The following EEPD1 variants were observed in gnomAD, a reference collection of about 807,000 sequenced individuals.
EEPD1 encodes the protein endonuclease/exonuclease/phosphatase family domain containing 1, also known as endonuclease/exonuclease/phosphatase family domain-containing protein 1.
Under a neutral mutation model 46.3 loss-of-function variants are expected in EEPD1, and 17 were observed. The ratio of observed to expected loss-of-function variants is 0.37; its 90% CI spans 0.25 to 0.55. EEPD1 has a LOEUF of 0.55. EEPD1 is among the 20% of genes least tolerant of loss of function. The pLI, the probability that EEPD1 is intolerant of heterozygous loss-of-function variation, is 0.83. For missense variants in EEPD1, 673 were observed against 745.6 expected (o/e 0.90, Z 1.13); for synonymous variants, 313 against 315.6 (o/e 0.99, Z 0.09).
At position 36,270,875 on chromosome 7, in the gene EEPD1, G is replaced by A. The variant is rs193160734; in HGVS notation, c.931-10240G>A. On this transcript the variant is annotated intron_variant, in intron 3 of 7. Transcript: ENST00000242108. Reference sequence around the variant, plus strand: ...TCTAGTTCTAGATCCTTGAGGAATCGCCACACTGTCTTCCACAATGGTTGA... The same window carrying A: ...TCTAGTTCTAGATCCTTGAGGAATCACCACACTGTCTTCCACAATGGTTGA... Among the ~76,000 whole-genome samples the A allele has an allele frequency of 3.5e-3, 528 of 152,214 alleles. 3 individuals are homozygous for A. The highest frequency in any genetic ancestry group is 0.012 in the African/African-American group (493 of 41,520).
intron 2 of EEPD1, among the ~76,000 whole-genome samples, chr7:36,204,392 T>A (rs1785773687): frequency 6.6e-6 from 1 of 151,828 alleles, no homozygotes; most frequent in Admixed American, 6.6e-5. Flanking sequence ...GGCATAATAA[T>A]TTATCTAAGA....
At chr7:36,249,088 C>T (rs538516418) in intron 3 of EEPD1, among the ~76,000 whole-genome samples, 5 of 151,502 alleles carry the variant, frequency 3.3e-5, no homozygotes, top group Non-Finnish European at 5.9e-5. Flanking sequence ...TATTCAGGGG[C>T]TCTCACTACC....
intron 2 of EEPD1, among the ~76,000 whole-genome samples, chr7:36,179,766 C>T (rs940803660): frequency 4.0e-5 from 6 of 149,424 alleles, no homozygotes; most frequent in East Asian, 2.0e-4. Flanking sequence ...ATAATGATTA[C>T]GTAGAACTGT....
At position 36,299,629 on chromosome 7, in the gene EEPD1, A is replaced by G. The variant is rs1476725537; in HGVS notation, c.*423A>G. 3 of 192,844 alleles carry G rather than the reference A, an allele frequency of 1.6e-5. No homozygotes were observed. Among genetic ancestry groups the G allele is most frequent in the Non-Finnish European group, 3.2e-5 (3 of 92,982 alleles). 11.9% of individuals were successfully genotyped at this position (192,844 alleles called of 1,614,324 possible). On this transcript the variant is annotated 3_prime_UTR_variant, in exon 8 of 8. Transcript: ENST00000242108. ...CCAGGCTATGACGTTCCTGCTGCGC[A>G]TTACAGAAAGCTTTTAACTGTGATC...
At chr7:36,291,962 C>T (rs1164492106) in intron 6 of EEPD1, among the ~76,000 whole-genome samples, 1 of 152,232 alleles carries the variant, frequency 6.6e-6, no homozygotes, top group Non-Finnish European at 1.5e-5. Flanking sequence ...CCCACTTCCT[C>T]TAGGGTAAAT....
intron 2 of EEPD1, among the ~76,000 whole-genome samples, chr7:36,196,891 A>G (rs1785606992): frequency 1.3e-5 from 2 of 149,280 alleles, no homozygotes; most frequent in Admixed American, 1.3e-4. Flanking sequence ...GGATGTGAGG[A>G]GCCCCTCTGC....
intron 2 of EEPD1, among the ~76,000 whole-genome samples, chr7:36,173,954 A>AT (rs1346042564): frequency 6.6e-6 from 1 of 150,736 alleles, no homozygotes; most frequent in Non-Finnish European, 1.5e-5. Flanking sequence ...CCGTGTAATC[A>AT]TCCTGATCTC....
At chr7:36,216,682 A>G (rs1191771259) in intron 2 of EEPD1, among the ~76,000 whole-genome samples, 1 of 152,248 alleles carries the variant, frequency 6.6e-6, no homozygotes, top group Non-Finnish European at 1.5e-5. Flanking sequence ...GACTTATTAA[A>G]TTATAGCATG....
At chr7:36,188,148 G>A (rs555065357) in intron 2 of EEPD1, among the ~76,000 whole-genome samples, 1 of 151,868 alleles carries the variant, frequency 6.6e-6, no homozygotes, top group African/African-American at 2.4e-5. Context: ...TAATTCTCTG[G>A]GTACAAATTT....
At chr7:36,292,056 C>T (rs1204174146) in intron 6 of EEPD1, among the ~76,000 whole-genome samples, 1 of 152,226 alleles carries the variant, frequency 6.6e-6, no homozygotes, top group Non-Finnish European at 1.5e-5. Context: ...TTCTTATGCA[C>T]ACATATTTAA....
Position 36,154,212 on chromosome 7 carries a change from G to A in EEPD1, c.-113G>A, listed in dbSNP as rs952386192. ...GTCTATAGTAACCTCTTCAGTCCCT[G>A]AATCCTGCACCTTCCGTTTTTCTGT... On this transcript the variant is annotated 5_prime_UTR_variant, in exon 2 of 8. The change abolishes the stop of an existing upstream ORF in the 5' untranslated region. Transcript: ENST00000242108. This position sits in a 1 kb window ranked among gnomAD's most constrained non-coding sequence, Gnocchi z 4.2. The A allele has an allele frequency of 1.2e-3, 1,554 of 1,349,194 alleles. 8 individuals carry two copies. Among genetic ancestry groups the A allele is most frequent in the Non-Finnish European group, 7.3e-4 (744 of 1,018,140 alleles). 83.6% of individuals were successfully genotyped at this position (1,349,194 alleles called of 1,614,324 possible). A position where few individuals can be genotyped will look rare whatever the true frequency, so the allele number is the denominator to read the frequency against.
chr7:36,274,752 G>T (rs749028425), intron 3 of EEPD1, among the ~76,000 whole-genome samples: 1 of 152,054 alleles, frequency 6.6e-6, no homozygotes, highest in Non-Finnish European at 1.5e-5. Flanking sequence ...TGCAGCCCCC[G>T]TGTGCTCACC....
Position 36,259,793 on chromosome 7 carries a change from G to A in EEPD1, c.930+20757G>A, listed in dbSNP as rs1786890766. 2.0e-5 allele frequency among the ~76,000 whole-genome samples: 3 copies of A among 152,214 alleles called. No homozygotes were observed. The South Asian group carries it at 6.2e-4, about 32-fold the overall frequency. On this transcript the variant is annotated intron_variant, in intron 3 of 7. Transcript: ENST00000242108. ...AGCCTCCAAGAGTGCTGGGATTACA[G>A]GCATGAGCCACCATGCCGGGCCTAT...
At chr7:36,207,219 T>C (rs1785836654) in intron 2 of EEPD1, among the ~76,000 whole-genome samples, 3 of 152,196 alleles carry the variant, frequency 2.0e-5, no homozygotes, top group Admixed American at 1.3e-4. Context: ...CAAATCATGA[T>C]GTCAGCGTGG....
chr7:36,290,960 T>C (rs1787419642), intron 6 of EEPD1, among the ~76,000 whole-genome samples: 2 of 152,162 alleles, frequency 1.3e-5, no homozygotes, highest in Non-Finnish European at 2.9e-5. Flanking sequence ...CTTGATGTCA[T>C]CACCGACGCG....
chr7:36,240,087 A>T (rs908025256), intron 3 of EEPD1, among the ~76,000 whole-genome samples: 1 of 152,056 alleles, frequency 6.6e-6, no homozygotes, highest in African/African-American at 2.4e-5. Context: ...TGGGCAACAT[A>T]GTGAGACCTC....
chr7:36,271,720 C>CTAGGGTTTTT (rs60503175), intron 3 of EEPD1, among the ~76,000 whole-genome samples: 1 of 55,332 alleles, frequency 1.8e-5, no homozygotes, highest in African/African-American at 6.1e-5. Context: ...CCTAGGTTTT[C>CTAGGGTTTTT]ATGGTTTTAG....
chr7:36,301,507 TTTATA>T lies in EEPD1; in HGVS notation c.*2305_*2309del, dbSNP rs1427634813. On this transcript the variant is annotated 3_prime_UTR_variant, in exon 8 of 8. Transcript: ENST00000242108. Reference sequence around the variant, plus strand: ...TCATTATTAGCTACAGTGTTCATAGTTTATATTAAAGTTCACTCTTTGTGTTGTGC... The same window carrying T: ...TCATTATTAGCTACAGTGTTCATAGTTTAAAGTTCACTCTTTGTGTTGTGC... The T allele has an allele frequency of 2.6e-5, 4 of 152,230 alleles. No homozygotes were observed. The highest frequency in any genetic ancestry group is 4.4e-5 in the Non-Finnish European group (3 of 68,038). 9.4% of individuals were successfully genotyped at this position (152,230 alleles called of 1,614,324 possible).
chr7:36,283,322 C>G (rs993377539), intron 4 of EEPD1, among the ~76,000 whole-genome samples: 2 of 152,122 alleles, frequency 1.3e-5, no homozygotes, highest in African/African-American at 4.8e-5. Context: ...GTGGGGAAAA[C>G]AGTGCTGAGC....
Sources: allele counts gnomAD v4.1 joint callset (sites outside exome capture counted in the v4.1 genomes callset), GRCh38; gene constraint gnomAD v4.1.1; non-coding constraint Gnocchi (gnomAD v3.1); transcripts MANE v1.5; gene names NCBI Gene and HGNC (gene_info 2026-07-23, HGNC 2026-07-21).